LMNTD1: variants seen among roughly 807,000 people sequenced by gnomAD.
The protein encoded by LMNTD1 is lamin tail domain-containing protein 1.
Under a neutral mutation model 50.9 loss-of-function variants are expected in LMNTD1, and 35 were observed. That is an observed-to-expected ratio of 0.69 (90% confidence interval 0.53 to 0.91). The LOEUF is 0.91. LMNTD1 is among the 40% of genes least tolerant of loss of function. The pLI is 0.00. For synonymous variants in LMNTD1, 153 were observed against 161.9 expected, an observed-to-expected ratio of 0.94 and a Z score of 0.42; for missense variants, 470 against 475.5, an observed-to-expected ratio of 0.99 and a Z score of 0.11.
chr12:25,528,519 C>T (rs1285358381), intron 4 of LMNTD1, among the ~76,000 whole-genome samples: 1 of 152,202 alleles, frequency 6.6e-6, no homozygotes, highest in Non-Finnish European at 1.5e-5. Context: ...TGCTGATTGA[C>T]AACAAGTTGT....
At chr12:25,516,560 T>C (rs1678552) in intron 8 of LMNTD1, among the ~76,000 whole-genome samples, 112,595 of 152,050 alleles carry the variant, frequency 0.74, 42,631 homozygotes, top group East Asian at 0.88. Flanking sequence ...GCTAAAGTTG[T>C]TTACATCTAT....
intron 6 of LMNTD1, among the ~76,000 whole-genome samples, 176 bp from the exon 7 acceptor site, chr12:25,520,251 G>C (rs1215118125): frequency 1.3e-5 from 2 of 148,690 alleles, no homozygotes; most frequent in Non-Finnish European, 3.0e-5. Context: ...GACAAGAGCA[G>C]CTAAAATCTA....
chr12:25,600,458 C>A (rs1945940896), intron 1 of LMNTD1, among the ~76,000 whole-genome samples: 1 of 151,736 alleles, frequency 6.6e-6, no homozygotes, highest in South Asian at 2.1e-4. Flanking sequence ...AGGATCAAAT[C>A]AAGTTAAAAA....
chr12:25,510,751 T>A (rs1354930943), intron 8 of LMNTD1, among the ~76,000 whole-genome samples: 3 of 152,174 alleles, frequency 2.0e-5, no homozygotes, highest in African/African-American at 7.2e-5. Flanking sequence ...TCTAACTCTA[T>A]GAGATGTCAT....
At chr12:25,563,103 AG>A (rs1438735129) in intron 1 of LMNTD1, among the ~76,000 whole-genome samples, 1 of 152,162 alleles carries the variant, frequency 6.6e-6, no homozygotes, top group African/African-American at 2.4e-5. Flanking sequence ...AGCTCAGAGA[AG>A]TTTGTTATTA....
intron 6 of LMNTD1, among the ~76,000 whole-genome samples, chr12:25,523,818 A>G (rs866678028): frequency 7.3e-6 from 1 of 136,942 alleles, no homozygotes; most frequent in African/African-American, 3.0e-5. Flanking sequence ...GACTCAGGTA[A>G]AAAAAAAAAA....
chr12:25,628,160 T>C (rs984404711), intron 1 of LMNTD1, among the ~76,000 whole-genome samples: 2 of 124,490 alleles, frequency 1.6e-5, no homozygotes, highest in Admixed American at 8.0e-5. Context: ...TTATAAAAGG[T>C]GAAATTTGAA....
chr12:25,552,285 G>C (rs1036151183), intron 2 of LMNTD1, among the ~76,000 whole-genome samples: 10 of 152,018 alleles, frequency 6.6e-5, no homozygotes, highest in African/African-American at 1.9e-4. Context: ...AATAGTTCTA[G>C]AAAGAAACTA....
At chr12:25,592,411 G>T (rs956165219) in intron 1 of LMNTD1, 8 of 152,276 alleles carry the variant, frequency 5.3e-5, no homozygotes, top group Admixed American at 2.0e-4. Flanking sequence ...AACTTTGGAA[G>T]TGGGAAAGGG....
chr12:25,539,847 AAG>A (rs1246859744), intron 4 of LMNTD1, among the ~76,000 whole-genome samples: 1 of 149,990 alleles, frequency 6.7e-6, no homozygotes, highest in African/African-American at 2.5e-5. Flanking sequence ...TAAAGAAAAA[AAG>A]AGAGAAGAAT....
chr12:25,569,446 C>A (rs1369342604), intron 1 of LMNTD1, among the ~76,000 whole-genome samples: 1 of 152,108 alleles, frequency 6.6e-6, no homozygotes, highest in Non-Finnish European at 1.5e-5. Flanking sequence ...AGACTTAGGA[C>A]TTTAAACTTG....
intron 1 of LMNTD1, among the ~76,000 whole-genome samples, chr12:25,560,858 C>T (rs1272123278): frequency 6.6e-6 from 1 of 152,150 alleles, no homozygotes; most frequent in Non-Finnish European, 1.5e-5. Flanking sequence ...TATAGGAATG[C>T]TTGTGATTTC....
intron 4 of LMNTD1, among the ~76,000 whole-genome samples, chr12:25,529,793 C>G (rs1351361301): frequency 6.6e-6 from 1 of 152,072 alleles, no homozygotes; most frequent in Non-Finnish European, 1.5e-5. Context: ...CTTACCATTT[C>G]CTTCTATAGA....
At chr12:25,621,997 G>A (rs1232578846) in intron 1 of LMNTD1, among the ~76,000 whole-genome samples, 1 of 152,186 alleles carries the variant, frequency 6.6e-6, no homozygotes, top group African/African-American at 2.4e-5. Flanking sequence ...AAGTGGGTTG[G>A]ATCAAGGTAG....
At chr12:25,560,317 T>C (rs1163181107) in intron 1 of LMNTD1, among the ~76,000 whole-genome samples, 2 of 152,186 alleles carry the variant, frequency 1.3e-5, no homozygotes, top group African/African-American at 4.8e-5. Context: ...CCCCATTGCT[T>C]GTTTGTGTCA....
intron 9 of LMNTD1, among the ~76,000 whole-genome samples, chr12:25,502,231 C>T (rs1477196185): frequency 6.6e-6 from 1 of 152,104 alleles, no homozygotes; most frequent in Non-Finnish European, 1.5e-5. Context: ...AAAAATTCCC[C>T]CCCTTTTTTT....
At chr12:25,507,726 C>T (rs1939919226) in intron 8 of LMNTD1, among the ~76,000 whole-genome samples, 1 of 152,208 alleles carries the variant, frequency 6.6e-6, no homozygotes, top group South Asian at 2.1e-4. Flanking sequence ...CTACTATTTG[C>T]AGCAGAGGCT....
intron 1 of LMNTD1, chr12:25,648,357 T>C (rs1947117771): frequency 3.0e-6 from 2 of 674,708 alleles, no homozygotes; most frequent in Non-Finnish European, 5.2e-6. Flanking sequence ...TTCACGTTTA[T>C]GAAAAAAATT....
At chr12:25,608,046 A>G (rs1358455552) in intron 1 of LMNTD1, among the ~76,000 whole-genome samples, 2 of 152,150 alleles carry the variant, frequency 1.3e-5, no homozygotes, top group Non-Finnish European at 2.9e-5. Flanking sequence ...TATTTAGGAT[A>G]GTTAGCTCTT....
Sources: allele counts gnomAD v4.1 joint callset (sites outside exome capture counted in the v4.1 genomes callset), GRCh38; gene constraint gnomAD v4.1.1; transcripts MANE v1.5; gene names NCBI Gene and HGNC (gene_info 2026-07-23, HGNC 2026-07-21).